The following PTCHD4 variants were observed in gnomAD, a reference collection of about 807,000 sequenced individuals.
PTCHD4 encodes patched domain-containing protein 4.
PTCHD4 carries 33 observed loss-of-function variants against 58.1 expected under a neutral mutation model. The ratio of observed to expected loss-of-function variants is 0.57; its 90% confidence interval spans 0.43 to 0.76. The LOEUF (loss-of-function observed/expected upper bound fraction) is 0.76, where lower values mean the gene tolerates loss of function less well. Among genes scored for constraint, PTCHD4 ranks in the 30% least tolerant of loss-of-function variants. The pLI is 0.00. For synonymous variants in PTCHD4, 478 were observed against 409.6 expected, an observed-to-expected ratio of 1.17 and a Z score of -2.02; for missense variants, 1,058 against 1,027.1, an observed-to-expected ratio of 1.03 and a Z score of -0.41.
chr6:48,010,648 T>G (rs1762633202), intron 3 of PTCHD4, among the ~76,000 whole-genome samples: 1 of 152,132 alleles, frequency 6.6e-6, no homozygotes, highest in Non-Finnish European at 1.5e-5. Context: ...GTGCAGAACG[T>G]GCAGGTTTGT....
rs988669998 is a variant in PTCHD4 at position 47,862,690 on chromosome 6, A to G, written c.*15613T>C. Among the ~76,000 whole-genome samples the G allele has an allele frequency of 6.6e-6, 1 of 151,772 alleles. No individual in the cohort carries two copies. Among genetic ancestry groups the G allele is most frequent in the African/African-American group, 2.4e-5 (1 of 41,390 alleles). ...TTTTCCTTAAGTATTCTTTTCTTCT[A>G]TTAGGTTATAAATTACTCAAATAGC... On this transcript the variant is annotated 3_prime_UTR_variant, in exon 5 of 5. Coordinates refer to ENST00000339488, the MANE Select transcript of PTCHD4 (RefSeq NM_001384253.1).
chr6:47,904,544 A>C (rs2114153545), intron 4 of PTCHD4, among the ~76,000 whole-genome samples: 1 of 152,352 alleles, frequency 6.6e-6, no homozygotes, highest in South Asian at 2.1e-4. Context: ...CCTCTGACTT[A>C]GAATCTCCTG....
At chr6:48,088,001 A>T (rs1011539521) in intron 1 of PTCHD4, among the ~76,000 whole-genome samples, 2 of 152,204 alleles carry the variant, frequency 1.3e-5, no homozygotes, top group African/African-American at 4.8e-5. Context: ...TATATAACCC[A>T]ATTGGCTGCA....
intron 4 of PTCHD4, among the ~76,000 whole-genome samples, chr6:47,890,365 T>C (rs889817433): frequency 6.6e-6 from 1 of 152,078 alleles, no homozygotes; most frequent in Non-Finnish European, 1.5e-5. Context: ...TTTGATATTG[T>C]AGTTAGTAGC....
rs551659876 is a variant in PTCHD4 at position 48,004,827 on chromosome 6, G to A, written c.898+3807C>T. ...AGCTACTTGGGAGGCTGAGGCAGGAGAATCACTTGAACCCGGAAGGTGGAG... is the reference window on the plus strand; with the variant it reads ...AGCTACTTGGGAGGCTGAGGCAGGAAAATCACTTGAACCCGGAAGGTGGAG... On this transcript the variant is annotated intron_variant, in intron 4 of 4. Transcript: ENST00000339488. Among the ~76,000 whole-genome samples, 5 of 152,246 alleles carry A rather than the reference G, an allele frequency of 3.3e-5. No individual in the cohort carries two copies. In the South Asian group the frequency reaches 1.0e-3, roughly 32 times the overall value.
intron 4 of PTCHD4, among the ~76,000 whole-genome samples, chr6:47,962,884 G>A (rs982468778): frequency 1.3e-5 from 2 of 151,784 alleles, no homozygotes; most frequent in Admixed American, 6.6e-5. Context: ...GGCATGCCAG[G>A]TGCGGTGGCT....
intron 3 of PTCHD4, among the ~76,000 whole-genome samples, chr6:48,010,264 T>C (rs1447902014): frequency 2.0e-5 from 3 of 152,194 alleles, no homozygotes; most frequent in African/African-American, 7.2e-5. Context: ...GATGTTTATC[T>C]AACAAGGATA....
At chr6:48,016,550 T>G (rs1425317247) in intron 3 of PTCHD4, among the ~76,000 whole-genome samples, 1 of 151,958 alleles carries the variant, frequency 6.6e-6, no homozygotes, top group East Asian at 1.9e-4. Flanking sequence ...AGGTGAATCA[T>G]TGGAATTACA....
At chr6:47,944,779 T>C (rs1430815361) in intron 4 of PTCHD4, among the ~76,000 whole-genome samples, 1 of 152,122 alleles carries the variant, frequency 6.6e-6, no homozygotes, top group African/African-American at 2.4e-5. Flanking sequence ...ACCTACTCTT[T>C]GCCAAACACT....
chr6:48,082,959 T>G (rs1765195997), intron 1 of PTCHD4, among the ~76,000 whole-genome samples: 1 of 151,842 alleles, frequency 6.6e-6, no homozygotes, highest in Non-Finnish European at 1.5e-5. Flanking sequence ...TTTTAAATAA[T>G]GCTAAATAAA....
At chr6:47,906,377 T>A (rs1764886834) in intron 4 of PTCHD4, among the ~76,000 whole-genome samples, 1 of 152,140 alleles carries the variant, frequency 6.6e-6, no homozygotes, top group Non-Finnish European at 1.5e-5. Context: ...CCCTCCAAGC[T>A]GGAATCACTT....
chr6:48,086,860 A>C (rs1027613323), intron 1 of PTCHD4, among the ~76,000 whole-genome samples: 3 of 152,214 alleles, frequency 2.0e-5, no homozygotes, highest in Middle Eastern at 3.2e-3. Flanking sequence ...CACAAATGTT[A>C]ATATCTGTCC....
chr6:47,877,267 G>A lies in PTCHD4; in HGVS notation c.*1036C>T, dbSNP rs1655273940. Among the ~76,000 whole-genome samples, 1 of 151,816 alleles carries A rather than the reference G, an allele frequency of 6.6e-6. No homozygotes were observed. Among genetic ancestry groups the A allele is most frequent in the Non-Finnish European group, 1.5e-5 (1 of 67,944 alleles). On this transcript the variant is annotated 3_prime_UTR_variant, in exon 5 of 5. Coordinates refer to ENST00000339488, the MANE Select transcript of PTCHD4 (RefSeq NM_001384253.1). ...TATTTTCCCTATCTAAAATAAGAAC[G>A]GTGTAACTATGGAGTACCCCAACTC...
In PTCHD4 at chr6:47,858,978, T is replaced by C. The variant is rs1763359539; in HGVS notation, c.*19325A>G. 6.6e-6 allele frequency among the ~76,000 whole-genome samples: 1 copy of C among 152,044 alleles called. No individual in the cohort carries two copies. The highest frequency in any genetic ancestry group is 1.5e-5 in the Non-Finnish European group (1 of 67,968). ...TACAAGCATCTGTTTTTGAGACTAA[T>C]CAATGAATCATTAATGTGAGCTTGG... On this transcript the variant is annotated 3_prime_UTR_variant, in exon 5 of 5. Coordinates refer to ENST00000339488, the MANE Select transcript of PTCHD4 (RefSeq NM_001384253.1).
chr6:47,930,117 T>A (rs1013980572), intron 4 of PTCHD4, among the ~76,000 whole-genome samples: 1 of 152,180 alleles, frequency 6.6e-6, no homozygotes, highest in Non-Finnish European at 1.5e-5. Flanking sequence ...GAAAATAGTA[T>A]ATATTTTTCT....
chr6:48,003,373 T>A (rs1768811871), intron 4 of PTCHD4, among the ~76,000 whole-genome samples: 1 of 152,322 alleles, frequency 6.6e-6, no homozygotes, highest in African/African-American at 2.4e-5. Context: ...AAATGGCAAA[T>A]GCATTCTATC....
In PTCHD4 at chr6:47,907,645, A is replaced by G. The variant is rs575628955; in HGVS notation, c.899-27709T>C. Among the ~76,000 whole-genome samples the G allele has an allele frequency of 3.3e-5, 5 of 152,216 alleles. No individual in the cohort carries two copies. In the South Asian group the frequency reaches 6.2e-4, roughly 19 times the overall value. Reference sequence around the variant, plus strand: ...TTAAAAGTCTGCTCTCTATCACCAAAGGACCAGAAAATAGCTGGTCCAGCA... The same window carrying G: ...TTAAAAGTCTGCTCTCTATCACCAAGGGACCAGAAAATAGCTGGTCCAGCA... On this transcript the variant is annotated intron_variant, in intron 4 of 4. Transcript: ENST00000339488.
At chr6:47,993,284 C>G (rs1768349773) in intron 4 of PTCHD4, among the ~76,000 whole-genome samples, 1 of 152,100 alleles carries the variant, frequency 6.6e-6, no homozygotes, top group Non-Finnish European at 1.5e-5. Flanking sequence ...TCCGATTTTA[C>G]CAATGATGAT....
intron 3 of PTCHD4, among the ~76,000 whole-genome samples, chr6:48,028,768 A>G (rs1763337107): frequency 6.6e-6 from 1 of 152,022 alleles, no homozygotes; most frequent in Non-Finnish European, 1.5e-5. Flanking sequence ...TAATCTGACA[A>G]CTCACCTAAT....
Sources: allele counts gnomAD v4.1 joint callset (sites outside exome capture counted in the v4.1 genomes callset), GRCh38; gene constraint gnomAD v4.1.1; transcripts MANE v1.5; gene names NCBI Gene and HGNC (gene_info 2026-07-23, HGNC 2026-07-21).